BICDL1: variants seen among roughly 807,000 people sequenced by gnomAD.
The protein encoded by BICDL1 is BICD family-like cargo adapter 1.
A neutral mutation model predicts 76.8 loss-of-function variants in BICDL1; 20 were observed. The ratio of observed to expected loss-of-function variants is 0.26; its 90% CI spans 0.18 to 0.38. BICDL1 has a LOEUF of 0.38. BICDL1 is among the 10% of genes least tolerant of loss of function. The probability of loss-of-function intolerance (pLI) is 1.00; values close to 1 mark genes in which losing one functional copy is unlikely to be tolerated. For synonymous variants in BICDL1, 383 were observed against 337.1 expected (o/e 1.14, Z -1.49); for missense variants, 700 against 798.6 (o/e 0.88, Z 1.49).
chr12:120,009,561 A>G (rs1418029293), intron 2 of BICDL1, among the ~76,000 whole-genome samples: 1 of 152,136 alleles, frequency 6.6e-6, no homozygotes, highest in Admixed American at 6.6e-5. Flanking sequence ...ATCCTTGTAG[A>G]CAGCTTGGTA....
rs1423051775 is a variant in BICDL1, at chr12:119,989,252, G to C, written c.-617G>C. ...GGGGAAGGCAGGAAGGAGCTCGCCG[G>C]GTTGCGCGGCGCGCGATGTGGAGCC... On this transcript the variant is annotated 5_prime_UTR_variant, in exon 1 of 10. Transcript: ENST00000548673. Among the ~76,000 whole-genome samples, 1 of 150,102 alleles carries C rather than the reference G, an allele frequency of 6.7e-6. No homozygotes were observed. Among genetic ancestry groups the C allele is most frequent in the South Asian group, 2.1e-4 (1 of 4,828 alleles).
chr12:119,989,814 C>G lies in BICDL1; in HGVS notation c.-55C>G. ...GGCGCGGCAGGGCCCCTCCCCCCTG[C>G]AGCCTGGCGCGCGCGGGCCGGGCCG... is the stretch of plus-strand genomic sequence containing the variant. On this transcript the variant is annotated 5_prime_UTR_variant, in exon 1 of 10. Transcript: ENST00000548673. The G allele has an allele frequency of 1.3e-5, 13 of 974,224 alleles. No homozygotes were observed. Among genetic ancestry groups the G allele is most frequent in the Non-Finnish European group, 1.6e-5 (13 of 796,432 alleles). The allele number at this position is 974,224 out of a possible 1,614,324, so 60.3% of individuals were successfully genotyped here.
chr12:120,014,180 C>T (rs1408949207), intron 2 of BICDL1, among the ~76,000 whole-genome samples: 5 of 152,182 alleles, frequency 3.3e-5, no homozygotes, highest in African/African-American at 1.2e-4. Context: ...TACTTAAAAA[C>T]CTAGCAGACA....
chr12:120,059,568 C>T (rs1378025852), intron 2 of BICDL1, among the ~76,000 whole-genome samples: 1 of 152,108 alleles, frequency 6.6e-6, no homozygotes, highest in Non-Finnish European at 1.5e-5. Context: ...GCCACCATGC[C>T]CGGCCTAATT....
intron 2 of BICDL1, chr12:119,999,823 C>T (rs916499043): frequency 6.8e-6 from 3 of 440,696 alleles, no homozygotes; most frequent in African/African-American, 4.1e-5. Flanking sequence ...AATAAAACTA[C>T]CAACTCTTCA....
At position 119,989,277 on chromosome 12, in the gene BICDL1, CGCCGCCTCGGCCCCTGCAGCAGCAGCA is replaced by C. The variant is rs1438211940; in HGVS notation, c.-585_-559del. On this transcript the variant is annotated 5_prime_UTR_variant, in exon 1 of 10. Coordinates refer to ENST00000548673, the MANE Select transcript of BICDL1 (RefSeq NM_001367886.1). Reference sequence around the variant, plus strand: ...GGTTGCGCGGCGCGCGATGTGGAGCCGCCGCCTCGGCCCCTGCAGCAGCAGCAGCCGCCGTCGCCGCCGCTGCTGCTG... The same window carrying C: ...GGTTGCGCGGCGCGCGATGTGGAGCCGCCGCCGTCGCCGCCGCTGCTGCTG... 6.7e-6 allele frequency among the ~76,000 whole-genome samples: 1 copy of C among 149,240 alleles called. No individual in the cohort carries two copies. Among genetic ancestry groups the C allele is most frequent in the Non-Finnish European group, 1.5e-5 (1 of 67,186 alleles).
At chr12:120,057,413 G>T (rs949131240) in intron 2 of BICDL1, among the ~76,000 whole-genome samples, 2 of 152,028 alleles carry the variant, frequency 1.3e-5, no homozygotes, top group Non-Finnish European at 2.9e-5. Context: ...TTCTTCAAAG[G>T]TTCTTCAAAG....
chr12:119,998,393 TC>T (rs1442234041), intron 1 of BICDL1, 127 bp from the exon 2 acceptor site: 1 of 686,916 alleles, frequency 1.5e-6, no homozygotes. Flanking sequence ...CGGCAACTTG[TC>T]CTATGTGGTA....
At chr12:120,013,651 A>G (rs998996926) in intron 2 of BICDL1, among the ~76,000 whole-genome samples, 1 of 151,970 alleles carries the variant, frequency 6.6e-6, no homozygotes, top group African/African-American at 2.4e-5. Context: ...TAGTAGAGAC[A>G]GGGTTTTGCC....
chr12:120,054,605 G>A (rs573943321), intron 2 of BICDL1, among the ~76,000 whole-genome samples: 2 of 152,292 alleles, frequency 1.3e-5, no homozygotes, highest in African/African-American at 4.8e-5. Context: ...TAGGCTGGGT[G>A]TGGTGGCTCA....
At chr12:120,008,821 G>C (rs557533154) in intron 2 of BICDL1, among the ~76,000 whole-genome samples, 3 of 152,230 alleles carry the variant, frequency 2.0e-5, no homozygotes, top group Admixed American at 6.5e-5. Flanking sequence ...AAACAGAAAA[G>C]GGCCTTTTAC....
At chr12:120,020,919 T>G (rs1419388672) in intron 2 of BICDL1, among the ~76,000 whole-genome samples, 1 of 152,078 alleles carries the variant, frequency 6.6e-6, no homozygotes, top group East Asian at 1.9e-4. Context: ...AGACAGGCCT[T>G]GTGCTGGATT....
At chr12:120,091,819 C>T (rs577024648) in intron 9 of BICDL1, 3 of 985,378 alleles carry the variant, frequency 3.0e-6, no homozygotes, top group South Asian at 4.7e-5. Context: ...ACAAGCTGCT[C>T]AGATGGAGGG....
At chr12:120,000,711 A>G (rs1951742053) in intron 2 of BICDL1, among the ~76,000 whole-genome samples, 1 of 152,222 alleles carries the variant, frequency 6.6e-6, no homozygotes. Context: ...GCAGATTTCA[A>G]CATGACATAG....
chr12:120,027,245 T>C (rs1952326001), intron 2 of BICDL1, among the ~76,000 whole-genome samples: 1 of 151,892 alleles, frequency 6.6e-6, no homozygotes, highest in Non-Finnish European at 1.5e-5. Context: ...TTGGCAAGGC[T>C]GGTCTCGAAC....
At chr12:120,058,700 C>G (rs1484293081) in intron 2 of BICDL1, among the ~76,000 whole-genome samples, 2 of 150,138 alleles carry the variant, frequency 1.3e-5, no homozygotes, top group Non-Finnish European at 3.0e-5. Flanking sequence ...AAGCGATTCT[C>G]CTGCCTCAGC....
intron 2 of BICDL1, among the ~76,000 whole-genome samples, chr12:120,037,832 G>T (rs1398420087): frequency 6.6e-6 from 1 of 152,062 alleles, no homozygotes; most frequent in African/African-American, 2.4e-5. Context: ...CTCGTCCTTT[G>T]ACCTTCCATC....
At chr12:120,046,437 C>T (rs1258217334) in intron 2 of BICDL1, among the ~76,000 whole-genome samples, 1 of 152,226 alleles carries the variant, frequency 6.6e-6, no homozygotes, top group Non-Finnish European at 1.5e-5. Flanking sequence ...AACACACGTA[C>T]TGCCTACTGT....
intron 2 of BICDL1, among the ~76,000 whole-genome samples, chr12:119,999,064 A>AG (rs1466683934): frequency 7.4e-6 from 1 of 134,316 alleles, no homozygotes; most frequent in Non-Finnish European, 1.6e-5. Flanking sequence ...CTGTCTCGGA[A>AG]AAAAAAAAAA....
Sources: allele counts gnomAD v4.1 joint callset (sites outside exome capture counted in the v4.1 genomes callset), GRCh38; gene constraint gnomAD v4.1.1; transcripts MANE v1.5; gene names NCBI Gene and HGNC (gene_info 2026-07-23, HGNC 2026-07-21).